The following THSD4 variants were observed in gnomAD, a reference collection of about 807,000 sequenced individuals.
THSD4 encodes thrombospondin type-1 domain-containing protein 4.
THSD4 carries 69 observed loss-of-function variants against 119.0 expected under a neutral mutation model. The ratio of observed to expected loss-of-function variants is 0.58; its 90% CI spans 0.48 to 0.71. The LOEUF is 0.71. Ranked by LOEUF, THSD4 falls within the 30% of genes least tolerant of loss-of-function variation. The pLI is 0.00. For synonymous variants in THSD4, 524 were observed against 540.4 expected (o/e 0.97, Z 0.42); for missense variants, 1,393 against 1,391.1 (o/e 1.00, Z -0.02).
At chr15:71,622,955 G>A (rs1038410664) in intron 7 of THSD4, among the ~76,000 whole-genome samples, 2 of 152,138 alleles carry the variant, frequency 1.3e-5, no homozygotes, top group Non-Finnish European at 2.9e-5. Flanking sequence ...GCAAGCCAGA[G>A]TGAGCCATGT....
chr15:71,174,396 G>T (rs1187948040), intron 3 of THSD4, among the ~76,000 whole-genome samples: 1 of 149,830 alleles, frequency 6.7e-6, no homozygotes, highest in Non-Finnish European at 1.5e-5. Flanking sequence ...GGAAAATCGG[G>T]TCACTCCCAC....
chr15:71,225,553 T>C (rs2044009853), intron 4 of THSD4, among the ~76,000 whole-genome samples: 1 of 141,726 alleles, frequency 7.1e-6, no homozygotes, highest in African/African-American at 2.8e-5. Context: ...TTTTTTTTCT[T>C]TTTTTTTTTT....
intron 6 of THSD4, among the ~76,000 whole-genome samples, chr15:71,380,778 A>G (rs907892030): frequency 6.6e-6 from 1 of 152,200 alleles, no homozygotes; most frequent in Non-Finnish European, 1.5e-5. Context: ...ACACAGTAGA[A>G]GAAACACAGA....
chr15:71,283,905 G>C (rs550640569), intron 6 of THSD4, among the ~76,000 whole-genome samples: 28 of 152,312 alleles, frequency 1.8e-4, no homozygotes, highest in Admixed American at 1.3e-3. Flanking sequence ...AGACTCTGGT[G>C]GGGGAGGGAA....
At chr15:71,375,276 C>G (rs1463999728) in intron 6 of THSD4, among the ~76,000 whole-genome samples, 1 of 152,146 alleles carries the variant, frequency 6.6e-6, no homozygotes, top group Non-Finnish European at 1.5e-5. Flanking sequence ...AGGGAAATAG[C>G]CCAAGACAGT....
chr15:71,364,896 T>G (rs2087659445), intron 6 of THSD4, among the ~76,000 whole-genome samples: 1 of 152,204 alleles, frequency 6.6e-6, no homozygotes, highest in African/African-American at 2.4e-5. Flanking sequence ...TGTGAATTAA[T>G]GGTTTTTTAA....
intron 7 of THSD4, among the ~76,000 whole-genome samples, chr15:71,657,802 C>T (rs939383549): frequency 1.3e-5 from 2 of 152,194 alleles, no homozygotes; most frequent in South Asian, 2.1e-4. Flanking sequence ...CCAGAGCAAC[C>T]ATGCTCTGCA....
chr15:71,306,544 G>C (rs2140344024), intron 6 of THSD4, among the ~76,000 whole-genome samples: 1 of 152,180 alleles, frequency 6.6e-6, no homozygotes, highest in South Asian at 2.1e-4. Flanking sequence ...AATGAAAAAA[G>C]GGTTTGGAAA....
chr15:71,734,375 C>T (rs534064352), intron 10 of THSD4, among the ~76,000 whole-genome samples: 1 of 152,166 alleles, frequency 6.6e-6, no homozygotes, highest in Non-Finnish European at 1.5e-5. Flanking sequence ...ATGCATATTA[C>T]TAAGTGAAAG....
intron 7 of THSD4, among the ~76,000 whole-genome samples, chr15:71,469,072 T>A (rs1013199416): frequency 1.3e-5 from 2 of 152,216 alleles, no homozygotes; most frequent in Non-Finnish European, 2.9e-5. Flanking sequence ...CCTGTGACAA[T>A]AAACATCCAT....
intron 8 of THSD4, among the ~76,000 whole-genome samples, chr15:71,681,024 T>C (rs1472856912): frequency 6.6e-6 from 1 of 151,200 alleles, no homozygotes; most frequent in Non-Finnish European, 1.5e-5. Context: ...GTTCAAGCAA[T>C]TCTCCTGTCC....
chr15:71,189,792 C>A (rs556906143), intron 3 of THSD4, among the ~76,000 whole-genome samples: 1 of 152,116 alleles, frequency 6.6e-6, no homozygotes, highest in Non-Finnish European at 1.5e-5. Context: ...AGTTCTTCAA[C>A]CACAGTATGT....
intron 6 of THSD4, among the ~76,000 whole-genome samples, chr15:71,366,530 A>G (rs1430005667): frequency 6.6e-6 from 1 of 152,054 alleles, no homozygotes; most frequent in Non-Finnish European, 1.5e-5. Flanking sequence ...GGAACATTGA[A>G]CTATATTTCC....
At chr15:71,460,209 C>T (rs140542287) in intron 7 of THSD4, among the ~76,000 whole-genome samples, 1 of 151,658 alleles carries the variant, frequency 6.6e-6, no homozygotes, top group Non-Finnish European at 1.5e-5. Context: ...GGTCAATGTT[C>T]TGAGCCGACT....
chr15:71,135,400 A>AT (rs1418306952), intron 1 of THSD4, among the ~76,000 whole-genome samples: 1 of 150,814 alleles, frequency 6.6e-6, no homozygotes, highest in Non-Finnish European at 1.5e-5. Flanking sequence ...GACAAAAAAA[A>AT]AAAAAAAAGA....
chr15:71,638,992 A>G (rs957101076), intron 7 of THSD4, among the ~76,000 whole-genome samples: 22 of 152,132 alleles, frequency 1.4e-4, no homozygotes, highest in African/African-American at 4.8e-4. Flanking sequence ...ATGTCCCCCA[A>G]CAGCTGCAAA....
chr15:71,518,837 G>A (rs2048397762), intron 7 of THSD4, among the ~76,000 whole-genome samples: 1 of 152,172 alleles, frequency 6.6e-6, no homozygotes, highest in South Asian at 2.1e-4. Flanking sequence ...ATGTTTATTG[G>A]TGGTTACTGT....
In THSD4 at chr15:71,411,700, C is replaced by A; in HGVS notation, c.1029C>A (p.Arg343=). Residue 343 remains arginine (R), a synonymous_variant, in exon 7 of 18, where the codon CGC becomes CGA. Coordinates refer to ENST00000261862, the MANE Select transcript of THSD4 (RefSeq NM_024817.3). ...WEPFAEVKGN[R]KCELNCQAMG... is the part of the protein sequence containing the mutation. ...TTACTTTGGTAGTAAAAGGCAATCG[C>A]AAATGTGAGTTGAACTGCCAGGCAA... 1 of 1,613,912 alleles carries A rather than the reference C, an allele frequency of 6.2e-7. No homozygotes were observed. The highest frequency in any genetic ancestry group is 8.5e-7 in the Non-Finnish European group (1 of 1,179,922).
intron 7 of THSD4, among the ~76,000 whole-genome samples, chr15:71,566,046 C>A (rs2049230098): frequency 6.6e-6 from 1 of 152,152 alleles, no homozygotes; most frequent in Non-Finnish European, 1.5e-5. Context: ...ATTTTAGTTA[C>A]AGGAAATCCG....
Sources: gnomAD v4.1 joint callset for allele counts (sites outside exome capture counted in the v4.1 genomes callset) on GRCh38, gnomAD v4.1.1 for gene constraint, MANE v1.5 for transcripts, NCBI Gene and HGNC (gene_info 2026-07-23, HGNC 2026-07-21) for gene names.